TNFRSF8: variants seen among roughly 807,000 people sequenced by gnomAD.
TNFRSF8 encodes the protein tumor necrosis factor receptor superfamily member 8.
TNFRSF8 carries 26 observed loss-of-function variants against 70.8 expected under a neutral mutation model. The ratio of observed to expected loss-of-function variants is 0.37; its 90% CI spans 0.27 to 0.51. The LOEUF (loss-of-function observed/expected upper bound fraction) is 0.51. Among genes scored for constraint, TNFRSF8 ranks in the 20% least tolerant of loss-of-function variants. The pLI, the probability that TNFRSF8 is intolerant of heterozygous loss-of-function variation, is 0.94. For synonymous variants in TNFRSF8, 356 were observed against 339.2 expected, an observed-to-expected ratio of 1.05 and a Z score of -0.54; for missense variants, 720 against 807.9, an observed-to-expected ratio of 0.89 and a Z score of 1.32.
At position 12,119,623 on chromosome 1, in the gene TNFRSF8, A is replaced by G. The variant is rs1447733492; in HGVS notation, c.947-3661A>G. On this transcript the variant is annotated intron_variant, in intron 8 of 14. Transcript: ENST00000263932. This position sits in a 1 kb window ranked among gnomAD's most constrained non-coding sequence, Gnocchi z 4.4. Reference sequence around the variant, plus strand: ...ATTATTATTTTTATTATTTTTAGAGACAGGGTCTCACTCTGTGTTCCAGGC... The same window carrying G: ...ATTATTATTTTTATTATTTTTAGAGGCAGGGTCTCACTCTGTGTTCCAGGC... Among the ~76,000 whole-genome samples, 1 of 150,536 alleles carries G rather than the reference A, an allele frequency of 6.6e-6. No individual in the cohort carries two copies. The highest frequency in any genetic ancestry group is 2.5e-5 in the African/African-American group (1 of 40,716).
intron 14 of TNFRSF8, among the ~76,000 whole-genome samples, chr1:12,139,936 C>T (rs1642222693): frequency 6.6e-6 from 1 of 152,256 alleles, no homozygotes; most frequent in South Asian, 2.1e-4. Flanking sequence ...CATGCCCAGC[C>T]TGGGCAGTCT....
At chr1:12,068,062 TG>T in intron 1 of TNFRSF8, among the ~76,000 whole-genome samples, 1 of 152,320 alleles carries the variant, frequency 6.6e-6, no homozygotes, top group East Asian at 1.9e-4. Flanking sequence ...GGGCGTTTAC[TG>T]TAAGTTTCTG....
Position 12,063,696 on chromosome 1 carries a change from C to G in TNFRSF8, c.63+35C>G. ...TGACGGGCGCCTGGGGAGGTGCCGG[C>G]GGTCCAGAGCCCGGACAGTGTGGGG... On this transcript the variant is annotated intron_variant, in intron 1 of 14. Transcript: ENST00000263932. This position sits in a 1 kb window ranked among gnomAD's most constrained non-coding sequence, Gnocchi z 7.2. The G allele has an allele frequency of 1.6e-6, 2 of 1,264,642 alleles. No homozygotes were observed. Among genetic ancestry groups the G allele is most frequent in the African/African-American group, 3.1e-5 (2 of 64,648 alleles). The allele number at this position is 1,264,642 out of a possible 1,614,324, so 78.3% of individuals were successfully genotyped here.
Position 12,108,478 on chromosome 1 carries a change from A to C in TNFRSF8, c.422-1088A>C, listed in dbSNP as rs1282234780. ...GCAATGTGATGGGCACCTCACGTGC[A>C]CTCTTCTGTTTATCCTGACGACAGC... On this transcript the variant is annotated intron_variant, in intron 4 of 14. Coordinates refer to ENST00000263932, the MANE Select transcript of TNFRSF8 (RefSeq NM_001243.5). This position sits in a 1 kb window ranked among gnomAD's most constrained non-coding sequence, Gnocchi z 4.0. Among the ~76,000 whole-genome samples, 3 of 152,070 alleles carry C rather than the reference A, an allele frequency of 2.0e-5. No individual in the cohort carries two copies. Among genetic ancestry groups the C allele is most frequent in the Non-Finnish European group, 4.4e-5 (3 of 68,016 alleles).
intron 2 of TNFRSF8, 82 bp from the exon 3 acceptor site, chr1:12,097,019 A>C (rs11121856): frequency 0.094 from 95,683 of 1,019,904 alleles, 5,048 homozygotes; most frequent in Middle Eastern, 0.17. Flanking sequence ...GAGGGGCGTC[A>C]GGGATGAGAG....
At chr1:12,064,381 C>T (rs1189485329) in intron 1 of TNFRSF8, among the ~76,000 whole-genome samples, 1 of 152,162 alleles carries the variant, frequency 6.6e-6, no homozygotes, top group Non-Finnish European at 1.5e-5. Context: ...AAATTAATCA[C>T]TGTGGGGAGA....
At chr1:12,074,181 C>G (rs1421473633) in intron 1 of TNFRSF8, among the ~76,000 whole-genome samples, 1 of 152,076 alleles carries the variant, frequency 6.6e-6, no homozygotes, top group East Asian at 1.9e-4. Context: ...CGGACTCGCT[C>G]TCCTCCATCC....
intron 1 of TNFRSF8, among the ~76,000 whole-genome samples, chr1:12,081,080 A>AC (rs1641054966): frequency 6.6e-6 from 1 of 152,116 alleles, no homozygotes; most frequent in Admixed American, 6.5e-5. Context: ...GAAAGCAGGC[A>AC]CCCAAGGCCA....
intron 2 of TNFRSF8, among the ~76,000 whole-genome samples, chr1:12,091,222 T>C (rs1641243125): frequency 6.6e-6 from 1 of 152,216 alleles, no homozygotes. Context: ...GCACAGACTT[T>C]GAGGCAATGA....
intron 1 of TNFRSF8, among the ~76,000 whole-genome samples, chr1:12,069,844 G>A: frequency 6.6e-6 from 1 of 152,220 alleles, no homozygotes. Flanking sequence ...GAGAGAGACG[G>A]GCGGCTCCCT....
At position 12,105,939 on chromosome 1, in the gene TNFRSF8, C is replaced by CAA. The variant is rs748432437; in HGVS notation, c.421+1426_421+1427dup. Among the ~76,000 whole-genome samples, 337 of 64,874 alleles carry CAA rather than the reference C, an allele frequency of 5.2e-3. 4 individuals are homozygous for CAA. Among genetic ancestry groups the CAA allele is most frequent in the African/African-American group, 0.015 (284 of 18,710 alleles). 42.6% of individuals were successfully genotyped at this position (64,874 alleles called of 152,430 possible). A position where few individuals can be genotyped will look rare whatever the true frequency, so the allele number is the denominator to read the frequency against. On this transcript the variant is annotated intron_variant, in intron 4 of 14. Transcript: ENST00000263932. ...GGGTGACAAGAGCAAGACTCCGTCTCAAAAAAAAAAAAAAAAAAAGAAAAC... is the reference window on the plus strand; with the variant it reads ...GGGTGACAAGAGCAAGACTCCGTCTCAAAAAAAAAAAAAAAAAAAAAGAAAAC...
rs1641533535 is a variant in TNFRSF8, at chr1:12,106,833, T to G, written c.421+2302T>G. 2.6e-5 allele frequency among the ~76,000 whole-genome samples: 4 copies of G among 152,172 alleles called. No homozygotes were observed. In the South Asian group the frequency reaches 8.3e-4, roughly 32 times the overall value. On this transcript the variant is annotated intron_variant, in intron 4 of 14. Coordinates refer to ENST00000263932, the MANE Select transcript of TNFRSF8 (RefSeq NM_001243.5). Reference sequence around the variant, plus strand: ...GCCTCTGGACCTCGGTCTCCCCATCTCTCAAATGAGGAGGTATAACTGAAG... The same window carrying G: ...GCCTCTGGACCTCGGTCTCCCCATCGCTCAAATGAGGAGGTATAACTGAAG...
intron 1 of TNFRSF8, chr1:12,080,334 G>A (rs1569993055): frequency 1.7e-5 from 9 of 523,970 alleles, no homozygotes; most frequent in South Asian, 4.1e-5. Flanking sequence ...CCATCCGGCC[G>A]AATCAGGGTG....
intron 12 of TNFRSF8, among the ~76,000 whole-genome samples, chr1:12,134,954 TC>T (rs996128261): frequency 5.3e-5 from 8 of 151,890 alleles, no homozygotes; most frequent in Non-Finnish European, 8.8e-5. Context: ...CGTGAACCAA[TC>T]CTTGCATGTG....
chr1:12,094,664 C>T (rs979094354), intron 2 of TNFRSF8, among the ~76,000 whole-genome samples: 4 of 132,074 alleles, frequency 3.0e-5, no homozygotes, highest in Non-Finnish European at 4.6e-5. Flanking sequence ...CTCACTCTAT[C>T]GCCCAGGCTG....
At chr1:12,078,977 G>C (rs1284317874) in intron 1 of TNFRSF8, among the ~76,000 whole-genome samples, 1 of 152,176 alleles carries the variant, frequency 6.6e-6, no homozygotes, top group Admixed American at 6.5e-5. Flanking sequence ...CTGGCCCGGG[G>C]CCTCACCTTG....
intron 1 of TNFRSF8, among the ~76,000 whole-genome samples, chr1:12,072,151 G>A (rs554136390): frequency 6.6e-6 from 1 of 152,318 alleles, no homozygotes; most frequent in African/African-American, 2.4e-5. Flanking sequence ...TAGCTACCTT[G>A]TATTGTAGGG....
chr1:12,080,592 T>G (rs1399037068), intron 1 of TNFRSF8: 4 of 336,216 alleles, frequency 1.2e-5, no homozygotes, highest in Non-Finnish European at 2.3e-5. Context: ...AGTTTCACCC[T>G]TGTTGCCTAG....
rs11569786 is a variant in TNFRSF8, at chr1:12,063,968, G to A, written c.63+307G>A. On this transcript the variant is annotated intron_variant, in intron 1 of 14. Transcript: ENST00000263932. This position sits in a 1 kb window ranked among gnomAD's most constrained non-coding sequence, Gnocchi z 7.2. ...GGCGCTCTTTAGCCCGCCTACCTGC[G>A]GGCCCGTCGGGGTCCTGGGCAGATC... Among the ~76,000 whole-genome samples the A allele has an allele frequency of 0.1, 15,591 of 152,228 alleles. 1,056 individuals are homozygous for A. The highest frequency in any genetic ancestry group is 0.15 in the Non-Finnish European group (10,242 of 67,994).
Sources: gnomAD v4.1 joint callset for allele counts (sites outside exome capture counted in the v4.1 genomes callset) on GRCh38, gnomAD v4.1.1 for gene constraint, Gnocchi (gnomAD v3.1) non-coding constraint, MANE v1.5 for transcripts, NCBI Gene and HGNC (gene_info 2026-07-23, HGNC 2026-07-21) for gene names.